The following ADCY8 variants were observed in gnomAD, a reference collection of about 807,000 sequenced individuals.
ADCY8 encodes the protein adenylate cyclase 8, also known as adenylate cyclase type 8.
ADCY8 carries 51 observed loss-of-function variants against 119.7 expected under a neutral mutation model. The observed-to-expected ratio is 0.43, with a 90% CI of 0.34 to 0.54. ADCY8 has a LOEUF of 0.54. Among genes scored for constraint, ADCY8 ranks in the 20% least tolerant of loss-of-function variants. ADCY8 has a pLI of 0.03. For missense variants in ADCY8, 1,383 were observed against 1,598.8 expected (o/e 0.87, Z 2.30); for synonymous variants, 665 against 651.0 (o/e 1.02, Z -0.33).
At chr8:130,807,068 T>C (rs1815984473) in intron 14 of ADCY8, among the ~76,000 whole-genome samples, 1 of 152,248 alleles carries the variant, frequency 6.6e-6, no homozygotes, top group African/African-American at 2.4e-5. Context: ...ATTGGTTTAT[T>C]GTGATCTTCC....
chr8:130,884,871 T>C (rs1818920002), intron 7 of ADCY8, 110 bp from the exon 8 acceptor site: 24 of 1,087,216 alleles, frequency 2.2e-5, no homozygotes, highest in Non-Finnish European at 7.0e-6. Flanking sequence ...TAGCATTCCA[T>C]GCAGTTGTAT....
chr8:130,910,340 G>A (rs1046997543), intron 5 of ADCY8, among the ~76,000 whole-genome samples: 2 of 152,114 alleles, frequency 1.3e-5, no homozygotes, highest in African/African-American at 4.8e-5. Flanking sequence ...ATAGATTATT[G>A]ATTTCATACT....
Position 131,004,402 on chromosome 8 carries a change from C to T in ADCY8, c.961-13860G>A, listed in dbSNP as rs117933400. Among the ~76,000 whole-genome samples, 491 of 152,328 alleles carry T rather than the reference C, an allele frequency of 3.2e-3. 2 individuals carry two copies. Among genetic ancestry groups the T allele is most frequent in the Admixed American group, 4.9e-3 (75 of 15,306 alleles). On this transcript the variant is annotated intron_variant, in intron 1 of 17. Transcript: ENST00000286355. ...ATACCATTTTTCTGGCATGCTCTTT[C>T]TGCAGCTTCCTCCTCATCTGTCTGA... is the stretch of plus-strand genomic sequence containing the variant.
At chr8:131,037,666 G>C (rs912533869) in intron 1 of ADCY8, among the ~76,000 whole-genome samples, 3 of 152,144 alleles carry the variant, frequency 2.0e-5, no homozygotes, top group African/African-American at 7.2e-5. Context: ...GAAAAAGAAG[G>C]AGGAAGGGGA....
chr8:130,912,011 G>A (rs1198808143), intron 5 of ADCY8, among the ~76,000 whole-genome samples: 6 of 152,128 alleles, frequency 3.9e-5, no homozygotes, highest in Non-Finnish European at 8.8e-5. Context: ...TGAACCTTGT[G>A]TTCCTTCTTT....
chr8:130,936,072 C>CGTGTGTGT (rs1563735585), intron 5 of ADCY8, among the ~76,000 whole-genome samples: 7 of 97,082 alleles, frequency 7.2e-5, no homozygotes, highest in African/African-American at 2.9e-4. Context: ...CAAGCACTGA[C>CGTGTGTGT]ATGTGTGTGT....
At chr8:130,917,251 T>C (rs1433895525) in intron 5 of ADCY8, among the ~76,000 whole-genome samples, 1 of 152,180 alleles carries the variant, frequency 6.6e-6, no homozygotes, top group East Asian at 1.9e-4. Context: ...TTTCAACAAG[T>C]GTCTGTTGAA....
chr8:130,797,269 G>A (rs1171659882), intron 15 of ADCY8, among the ~76,000 whole-genome samples: 3 of 152,054 alleles, frequency 2.0e-5, no homozygotes, highest in African/African-American at 7.2e-5. Flanking sequence ...TATCCTTAGT[G>A]TTAGTGTATT....
At chr8:130,959,339 G>C (rs970101176) in intron 2 of ADCY8, among the ~76,000 whole-genome samples, 1 of 152,074 alleles carries the variant, frequency 6.6e-6, no homozygotes, top group Admixed American at 6.5e-5. Context: ...GGAAAAATGG[G>C]TGAGTATAGA....
intron 2 of ADCY8, among the ~76,000 whole-genome samples, chr8:130,970,454 G>A (rs1450854922): frequency 6.6e-6 from 1 of 152,210 alleles, no homozygotes; most frequent in South Asian, 2.1e-4. Context: ...CTGTCTAGTT[G>A]CAGGGAAACA....
rs1554601395 is a variant in ADCY8 at position 130,800,338 on chromosome 8, A to AAAT, written c.3060+87_3060+88insATT. Reference sequence around the variant, plus strand: ...CTGGAATTCCGTTAAGTGCAAAAAAAAAAAATAAGTAATTCCTACAATGAA... The same window carrying AAAT: ...CTGGAATTCCGTTAAGTGCAAAAAAAAATAAAAATAAGTAATTCCTACAATGAA... On this transcript the variant is annotated intron_variant, in intron 15 of 17. Coordinates refer to ENST00000286355, the MANE Select transcript of ADCY8 (RefSeq NM_001115.3). The AAAT allele has an allele frequency of 7.1e-6, 11 of 1,539,968 alleles. 1 individual carries two copies. Among genetic ancestry groups the AAAT allele is most frequent in the Non-Finnish European group, 9.7e-6 (11 of 1,136,064 alleles).
At chr8:131,015,618 T>A (rs1205789633) in intron 1 of ADCY8, among the ~76,000 whole-genome samples, 1 of 152,246 alleles carries the variant, frequency 6.6e-6, no homozygotes, top group Non-Finnish European at 1.5e-5. Context: ...AAACAATTCA[T>A]AGCTTTATCC....
intron 5 of ADCY8, among the ~76,000 whole-genome samples, chr8:130,915,352 G>A (rs1233180334): frequency 2.0e-5 from 3 of 152,142 alleles, no homozygotes; most frequent in African/African-American, 7.2e-5. Flanking sequence ...GTTGCTAGAG[G>A]AATGACAGGA....
chr8:130,872,112 A>C (rs558897101), intron 8 of ADCY8, among the ~76,000 whole-genome samples: 1 of 152,330 alleles, frequency 6.6e-6, no homozygotes, highest in South Asian at 2.1e-4. Flanking sequence ...GAGATCTTAG[A>C]TTAGGATTTG....
At chr8:130,959,381 C>T (rs1490790770) in intron 2 of ADCY8, among the ~76,000 whole-genome samples, 1 of 152,068 alleles carries the variant, frequency 6.6e-6, no homozygotes, top group Non-Finnish European at 1.5e-5. Flanking sequence ...ATTTAATCTT[C>T]CTCATTATTG....
chr8:130,855,207 A>C (rs537636665), intron 9 of ADCY8, among the ~76,000 whole-genome samples: 2 of 151,938 alleles, frequency 1.3e-5, no homozygotes, highest in East Asian at 3.9e-4. Flanking sequence ...TCATCTGCCA[A>C]AAAAAATCCA....
At chr8:130,962,021 A>G (rs7009501) in intron 2 of ADCY8, among the ~76,000 whole-genome samples, 119,177 of 152,168 alleles carry the variant, frequency 0.78, 50,082 homozygotes, top group East Asian at 0.95. Flanking sequence ...GCCAACACTC[A>G]TTAGATCCTC....
chr8:130,898,993 C>A (rs138568789), intron 7 of ADCY8, among the ~76,000 whole-genome samples: 1 of 152,306 alleles, frequency 6.6e-6, no homozygotes, highest in East Asian at 1.9e-4. Context: ...GCTTGCAGGA[C>A]GGAGGTCCCA....
chr8:130,926,651 A>G (rs1358288928), intron 5 of ADCY8, among the ~76,000 whole-genome samples: 3 of 152,242 alleles, frequency 2.0e-5, no homozygotes, highest in East Asian at 1.9e-4. Flanking sequence ...ATTGTCAACT[A>G]TAGTCACCAA....
Sources: gnomAD v4.1 joint callset for allele counts (sites outside exome capture counted in the v4.1 genomes callset) on GRCh38, gnomAD v4.1.1 for gene constraint, MANE v1.5 for transcripts, NCBI Gene and HGNC (gene_info 2026-07-23, HGNC 2026-07-21) for gene names.